The following SAMMSON variants were observed in gnomAD, a reference collection of about 807,000 sequenced individuals.
The protein encoded by SAMMSON is survival associated mitochondrial melanoma specific oncogenic non-coding RNA, also known as long intergenic non-protein coding RNA 1212.
intron 3 of SAMMSON, among the ~76,000 whole-genome samples, chr3:70,053,751 G>A (rs1478418368): frequency 6.6e-6 from 1 of 151,932 alleles, no homozygotes; most frequent in African/African-American, 2.4e-5. Flanking sequence ...TTTTTTCACT[G>A]GTGCATTTCC....
intron 3 of SAMMSON, among the ~76,000 whole-genome samples, chr3:70,045,011 T>A (rs1559779635): frequency 0.012 from 1,596 of 129,962 alleles, 67 homozygotes; most frequent in African/African-American, 0.044. Flanking sequence ...TAATTATATA[T>A]ATATAATTAA....
At chr3:70,145,922 T>G (rs1003863279) in intron 4 of SAMMSON, among the ~76,000 whole-genome samples, 1 of 151,886 alleles carries the variant, frequency 6.6e-6, no homozygotes, top group Non-Finnish European at 1.5e-5. Flanking sequence ...GAAAGTGGAT[T>G]CTTTGAAATA....
At chr3:70,224,571 C>T (rs1701487129) in intron 4 of SAMMSON, among the ~76,000 whole-genome samples, 1 of 152,166 alleles carries the variant, frequency 6.6e-6, no homozygotes, top group Non-Finnish European at 1.5e-5. Flanking sequence ...CCGCAATGCT[C>T]ACTAAGTGTC....
chr3:70,285,816 G>A lies in SAMMSON; in HGVS notation n.675-5363G>A, dbSNP rs1489724826. On this transcript the variant is annotated intron_variant and non_coding_transcript_variant, in intron 6 of 9. Transcript: ENST00000642114. ...CATTTCTCTGATGTCCAGTGATGAG[G>A]AGCATTTAATCATGTGTTTTTTGGC... Among the ~76,000 whole-genome samples the A allele has an allele frequency of 5.9e-5, 9 of 152,294 alleles. No individual in the cohort carries two copies. In the South Asian group the frequency reaches 1.9e-3, roughly 32 times the overall value.
intron 4 of SAMMSON, among the ~76,000 whole-genome samples, chr3:70,135,097 CA>C (rs2067500254): frequency 6.6e-6 from 1 of 152,062 alleles, no homozygotes; most frequent in Non-Finnish European, 1.5e-5. Context: ...ACATGTCAAT[CA>C]GGTATAAAGG....
At chr3:70,234,298 A>G (rs1701588223) in intron 4 of SAMMSON, among the ~76,000 whole-genome samples, 1 of 152,224 alleles carries the variant, frequency 6.6e-6, no homozygotes. Flanking sequence ...TTGAACATCT[A>G]CTATATGCTA....
At chr3:70,310,435 G>T (rs769538524) in intron 7 of SAMMSON, among the ~76,000 whole-genome samples, 2 of 151,042 alleles carry the variant, frequency 1.3e-5, no homozygotes, top group Non-Finnish European at 2.9e-5. Flanking sequence ...GTGTGATCTC[G>T]GCTCACTGCA....
chr3:70,429,372 T>A (rs1701395856), intron 2 of SAMMSON, among the ~76,000 whole-genome samples: 2 of 152,228 alleles, frequency 1.3e-5, no homozygotes, highest in Admixed American at 6.5e-5. Flanking sequence ...ACCATAGCTT[T>A]GTAGTATATT....
intron 4 of SAMMSON, among the ~76,000 whole-genome samples, chr3:70,212,561 C>T (rs2106730054): frequency 6.6e-6 from 1 of 152,198 alleles, no homozygotes; most frequent in African/African-American, 2.4e-5. Context: ...TCCATTACTG[C>T]CACTCAGATT....
intron 1 of SAMMSON, chr3:70,009,384 G>C (rs2066944132): frequency 6.6e-6 from 1 of 152,142 alleles, no homozygotes; most frequent in East Asian, 1.9e-4. Context: ...TGTATGTGTT[G>C]AGGAATTTAT....
chr3:70,034,324 G>A (rs1412327693), intron 3 of SAMMSON, among the ~76,000 whole-genome samples: 2 of 152,252 alleles, frequency 1.3e-5, no homozygotes, highest in East Asian at 1.9e-4. Context: ...ATTTTTAAAA[G>A]GCTATATTTA....
At chr3:70,180,459 T>C (rs1701043893) in intron 4 of SAMMSON, among the ~76,000 whole-genome samples, 5 of 152,102 alleles carry the variant, frequency 3.3e-5, no homozygotes, top group Admixed American at 3.3e-4. Flanking sequence ...ATCTAGTATA[T>C]ATTTATATGG....
chr3:70,047,953 C>T (rs2067132955), intron 3 of SAMMSON, among the ~76,000 whole-genome samples: 1 of 151,936 alleles, frequency 6.6e-6, no homozygotes, highest in African/African-American at 2.4e-5. Flanking sequence ...CCATTGGGCA[C>T]CACCTCCCCA....
chr3:70,308,503 G>T (rs989140885), intron 7 of SAMMSON, among the ~76,000 whole-genome samples: 1 of 152,076 alleles, frequency 6.6e-6, no homozygotes, highest in Non-Finnish European at 1.5e-5. Context: ...TAACAGCTCT[G>T]GCTGTGGCTT....
intron 4 of SAMMSON, among the ~76,000 whole-genome samples, chr3:70,104,743 G>T (rs1176154777): frequency 1.3e-5 from 2 of 152,154 alleles, no homozygotes; most frequent in African/African-American, 4.8e-5. Context: ...CATATAAACT[G>T]GGTGTCAAGG....
chr3:70,324,383 C>T (rs570559066), intron 7 of SAMMSON, among the ~76,000 whole-genome samples: 9 of 152,168 alleles, frequency 5.9e-5, no homozygotes, highest in African/African-American at 2.2e-4. Context: ...CTTAACTAGC[C>T]TGAAGACCAG....
chr3:70,328,113 T>C (rs1193503700), intron 7 of SAMMSON, among the ~76,000 whole-genome samples: 5 of 152,198 alleles, frequency 3.3e-5, no homozygotes, highest in African/African-American at 1.2e-4. Flanking sequence ...CTATCAAATC[T>C]TGTGAGACTT....
chr3:70,032,888 G>A lies in SAMMSON; in HGVS notation n.417+19216G>A, dbSNP rs140353220. 3.9e-5 allele frequency among the ~76,000 whole-genome samples: 6 copies of A among 152,258 alleles called. No individual in the cohort carries two copies. In the South Asian group the frequency reaches 8.3e-4, roughly 21 times the overall value. On this transcript the variant is annotated intron_variant and non_coding_transcript_variant, in intron 3 of 9. Coordinates refer to ENST00000642114, the Ensembl canonical transcript of SAMMSON. The stretch of plus-strand genomic sequence containing the variant: ...CTTTGGACAAATAAAGGAAAACTTC[G>A]CAATGATGTAGCAGATGCTTTGGGG...
chr3:70,399,903 A>G (rs1304139375), intron 2 of SAMMSON, among the ~76,000 whole-genome samples: 1 of 151,780 alleles, frequency 6.6e-6, no homozygotes, highest in Non-Finnish European at 1.5e-5. Context: ...AACCAAAACA[A>G]CACCAACAAC....
Sources: gnomAD v4.1 joint callset for allele counts (sites outside exome capture counted in the v4.1 genomes callset) on GRCh38, gnomAD v4.1.1 for gene constraint, MANE v1.5 for transcripts, NCBI Gene and HGNC (gene_info 2026-07-23, HGNC 2026-07-21) for gene names.